KATNIP: variants seen among roughly 807,000 people sequenced by gnomAD.
KATNIP encodes katanin interacting protein.
Under a neutral mutation model 174.0 loss-of-function variants are expected in KATNIP, and 126 were observed. The observed-to-expected ratio is 0.72, with a 90% CI of 0.63 to 0.84. The LOEUF (loss-of-function observed/expected upper bound fraction) is 0.84, where lower values mean the gene tolerates loss of function less well. Ranked by LOEUF, KATNIP falls within the 40% of genes least tolerant of loss-of-function variation. The pLI is 0.00. For missense variants in KATNIP, 1,958 were observed against 2,109.7 expected (o/e 0.93, Z 1.41); for synonymous variants, 810 against 835.7 (o/e 0.97, Z 0.53).
chr16:27,607,660 C>CG, intron 2 of KATNIP, among the ~76,000 whole-genome samples: 1 of 148,358 alleles, frequency 6.7e-6, no homozygotes, highest in South Asian at 2.1e-4. Flanking sequence ...TGCAGTGGCA[C>CG]AATCTCAGCT....
rs779368170 is a variant in KATNIP, at chr16:27,703,850, G to A, written c.1287-46G>A. Reference sequence around the variant, plus strand: ...TTTTGATTGGAATGTTCTCTTTTGTGTATCATTTACTACTTCCTGTTTGCT... The same window carrying A: ...TTTTGATTGGAATGTTCTCTTTTGTATATCATTTACTACTTCCTGTTTGCT... On this transcript the variant is annotated intron_variant, in intron 11 of 27. Transcript: ENST00000261588. The A allele has an allele frequency of 4.4e-6, 6 of 1,374,044 alleles. No homozygotes were observed. In the East Asian group the frequency reaches 1.1e-4, roughly 26 times the overall value. The allele number at this position is 1,374,044 out of a possible 1,614,324, so 85.1% of individuals were successfully genotyped here.
chr16:27,721,847 C>T (rs1380588750), intron 14 of KATNIP, 152 bp downstream of exon 14: 3 of 857,804 alleles, frequency 3.5e-6, no homozygotes, highest in East Asian at 5.4e-5. Flanking sequence ...TAGGTTCACA[C>T]TGCATTCTCA....
chr16:27,555,316 C>T (rs1236006554), intron 1 of KATNIP, among the ~76,000 whole-genome samples: 1 of 152,188 alleles, frequency 6.6e-6, no homozygotes, highest in African/African-American at 2.4e-5. Context: ...CTTTTCACAA[C>T]CCTTTCCCTG....
At chr16:27,713,830 A>ATATT (rs2079785283) in intron 13 of KATNIP, among the ~76,000 whole-genome samples, 1 of 69,146 alleles carries the variant, frequency 1.4e-5, no homozygotes, top group Admixed American at 1.5e-4. Flanking sequence ...ATATATATAT[A>ATATT]TATATATATA....
At chr16:27,712,752 C>T (rs546815285) in intron 13 of KATNIP, among the ~76,000 whole-genome samples, 6 of 152,154 alleles carry the variant, frequency 3.9e-5, no homozygotes, top group Admixed American at 6.5e-5. Context: ...ACATGAATGT[C>T]AACTTCCTGC....
chr16:27,753,407 G>A (rs924797331), intron 17 of KATNIP, among the ~76,000 whole-genome samples: 5 of 152,112 alleles, frequency 3.3e-5, no homozygotes, highest in African/African-American at 9.7e-5. Flanking sequence ...AAAGGTGCTC[G>A]TAAGGGACTC....
chr16:27,731,912 C>T (rs12708703), intron 14 of KATNIP, among the ~76,000 whole-genome samples: 25,928 of 152,102 alleles, frequency 0.17, 2,438 homozygotes, highest in African/African-American at 0.24. Context: ...TGAGTTACTG[C>T]GCCTGGCACA....
chr16:27,774,357 T>C (rs900191383), intron 23 of KATNIP, among the ~76,000 whole-genome samples: 5 of 152,164 alleles, frequency 3.3e-5, no homozygotes, highest in African/African-American at 7.2e-5. Flanking sequence ...CTCACATCCA[T>C]CCTGGGAGCT....
intron 2 of KATNIP, among the ~76,000 whole-genome samples, chr16:27,616,243 A>G (rs2076032315): frequency 6.6e-6 from 1 of 152,120 alleles, no homozygotes; most frequent in Non-Finnish European, 1.5e-5. Context: ...GTGGTGGCAC[A>G]AACCTGTGAT....
chr16:27,631,342 C>T, intron 5 of KATNIP, 180 bp downstream of exon 5: 1 of 553,960 alleles, frequency 1.8e-6, no homozygotes, highest in East Asian at 2.9e-5. Flanking sequence ...AAGTTCGAGA[C>T]CAGCTTGGGC....
intron 3 of KATNIP, 85 bp from the exon 4 acceptor site, chr16:27,628,576 G>A (rs1247677082): frequency 2.8e-6 from 4 of 1,408,486 alleles, no homozygotes; most frequent in Admixed American, 1.8e-5. Context: ...TTCACTGTGG[G>A]AACAGCAGTT....
intron 5 of KATNIP, among the ~76,000 whole-genome samples, chr16:27,639,337 T>C (rs2076729195): frequency 6.6e-6 from 1 of 152,236 alleles, no homozygotes; most frequent in South Asian, 2.1e-4. Context: ...TATGGCCTCT[T>C]GTTCATACTG....
At chr16:27,576,516 C>T (rs971163802) in intron 2 of KATNIP, among the ~76,000 whole-genome samples, 2 of 152,086 alleles carry the variant, frequency 1.3e-5, no homozygotes, top group Non-Finnish European at 2.9e-5. Context: ...TGGCTCCTGC[C>T]TATAATCCCA....
At chr16:27,555,419 A>G (rs1263084254) in intron 1 of KATNIP, among the ~76,000 whole-genome samples, 1 of 152,156 alleles carries the variant, frequency 6.6e-6, no homozygotes, top group Non-Finnish European at 1.5e-5. Context: ...CTGGATTTGA[A>G]TCTCTGCTGT....
At chr16:27,696,259 A>G (rs1223828548) in intron 8 of KATNIP, among the ~76,000 whole-genome samples, 1 of 152,162 alleles carries the variant, frequency 6.6e-6, no homozygotes, top group African/African-American at 2.4e-5. Context: ...TCCTAACATT[A>G]TATATTATTC....
intron 2 of KATNIP, among the ~76,000 whole-genome samples, chr16:27,587,170 G>A (rs113909922): frequency 2.0e-5 from 3 of 152,110 alleles, no homozygotes; most frequent in Non-Finnish European, 4.4e-5. Flanking sequence ...TGAAAATAGA[G>A]TACCTCCTCC....
intron 14 of KATNIP, among the ~76,000 whole-genome samples, chr16:27,731,647 T>G (rs2080690815): frequency 6.7e-6 from 1 of 150,044 alleles, no homozygotes. Context: ...TGAGACAGAG[T>G]CTTGCTCTGT....
intron 1 of KATNIP, among the ~76,000 whole-genome samples, chr16:27,564,662 G>C (rs1596728669): frequency 1.3e-5 from 2 of 152,188 alleles, no homozygotes; most frequent in East Asian, 1.9e-4. Context: ...TTTCCAAAAA[G>C]GAAGGTAACT....
At chr16:27,629,701 C>T (rs1228965662) in intron 4 of KATNIP, among the ~76,000 whole-genome samples, 1 of 152,198 alleles carries the variant, frequency 6.6e-6, no homozygotes, top group East Asian at 1.9e-4. Flanking sequence ...TCTCTCTGTG[C>T]CTTTGTTTGC....
Sources: allele counts gnomAD v4.1 joint callset (sites outside exome capture counted in the v4.1 genomes callset), GRCh38; gene constraint gnomAD v4.1.1; transcripts MANE v1.5; gene names NCBI Gene and HGNC (gene_info 2026-07-23, HGNC 2026-07-21).